L2HGDH: variants seen among roughly 807,000 people sequenced by gnomAD.
L2HGDH encodes L-2-hydroxyglutarate dehydrogenase.
In L2HGDH, 34 loss-of-function variants were observed where a neutral mutation model predicts 51.5. That is an observed-to-expected ratio of 0.66 (90% CI 0.50 to 0.88). L2HGDH has a LOEUF of 0.88. L2HGDH is among the 40% of genes least tolerant of loss of function. L2HGDH has a pLI of 0.00. For missense variants in L2HGDH, 558 were observed against 571.9 expected, an observed-to-expected ratio of 0.98 and a Z score of 0.25; for synonymous variants, 198 against 197.9, an observed-to-expected ratio of 1.00 and a Z score of -0.01.
intron 9 of L2HGDH, among the ~76,000 whole-genome samples, chr14:50,248,660 G>A (rs1437591185): frequency 6.6e-6 from 1 of 152,184 alleles, no homozygotes; most frequent in African/African-American, 2.4e-5. Flanking sequence ...CTTCCCTATA[G>A]AATCCTGCAG....
intron 2 of L2HGDH, 98 bp from the exon 3 acceptor site, chr14:50,302,266 C>T (rs1234475243): frequency 5.4e-6 from 7 of 1,289,616 alleles, no homozygotes; most frequent in South Asian, 2.4e-5. Context: ...TTAGAGACCA[C>T]ATCATGTAAA....
At chr14:50,261,608 T>C (rs1275854754) in intron 9 of L2HGDH, among the ~76,000 whole-genome samples, 1 of 151,814 alleles carries the variant, frequency 6.6e-6, no homozygotes, top group Non-Finnish European at 1.5e-5. Context: ...TAAGCCTCTC[T>C]AGTAGCTACA....
At chr14:50,301,717 G>C (rs971579571) in intron 3 of L2HGDH, among the ~76,000 whole-genome samples, 1 of 152,142 alleles carries the variant, frequency 6.6e-6, no homozygotes, top group African/African-American at 2.4e-5. Context: ...TCTTTTTGGG[G>C]TGATGAAAAA....
At chr14:50,249,137 G>A (rs1466752754) in intron 9 of L2HGDH, among the ~76,000 whole-genome samples, 2 of 152,216 alleles carry the variant, frequency 1.3e-5, no homozygotes, top group East Asian at 3.8e-4. Context: ...TAGACAGGAA[G>A]CATCCATCCC....
At chr14:50,253,914 G>A (rs1211790707) in intron 9 of L2HGDH, among the ~76,000 whole-genome samples, 3 of 152,092 alleles carry the variant, frequency 2.0e-5, no homozygotes, top group Non-Finnish European at 2.9e-5. Context: ...AGTAAAATAA[G>A]CCAGGCACGG....
At chr14:50,284,063 T>C in intron 4 of L2HGDH, 30 bp from the exon 5 acceptor site, 1 of 1,586,712 alleles carries the variant, frequency 6.3e-7, no homozygotes, top group Non-Finnish European at 8.6e-7. Flanking sequence ...AGATAACAGA[T>C]AAGAGAAATA....
intron 1 of L2HGDH, 61 bp downstream of exon 1, chr14:50,311,950 C>T: frequency 6.5e-7 from 1 of 1,535,200 alleles, no homozygotes; most frequent in Non-Finnish European, 8.7e-7. Flanking sequence ...ACAGGTCCAC[C>T]ACCAGGTGCC....
intron 4 of L2HGDH, among the ~76,000 whole-genome samples, chr14:50,286,257 G>C (rs1301670144): frequency 6.6e-6 from 1 of 152,190 alleles, no homozygotes; most frequent in African/African-American, 2.4e-5. Context: ...GGGCAGAGTA[G>C]CAGTGAGGAT....
At position 50,302,872 on chromosome 14, in the gene L2HGDH, C is replaced by G. The variant is rs151006946; in HGVS notation, c.256+30G>C. The G allele has an allele frequency of 4.7e-4, 672 of 1,435,584 alleles. 3 individuals carry two copies. The African/African-American group carries it at 7.1e-3, about 15-fold the overall frequency. 88.9% of individuals were successfully genotyped at this position (1,435,584 alleles called of 1,614,324 possible). On this transcript the variant is annotated intron_variant, in intron 2 of 9. Coordinates refer to ENST00000267436, the MANE Select transcript of L2HGDH (RefSeq NM_024884.3). ...CAAAATGAGCAGATGCCCAAGTAAGCCCAAAGAACAACATTGATTATATAC... is the reference window on the plus strand; with the variant it reads ...CAAAATGAGCAGATGCCCAAGTAAGGCCAAAGAACAACATTGATTATATAC...
At chr14:50,294,521 T>C (rs1454376039) in intron 3 of L2HGDH, among the ~76,000 whole-genome samples, 3 of 152,182 alleles carry the variant, frequency 2.0e-5, no homozygotes, top group Non-Finnish European at 4.4e-5. Flanking sequence ...AGTCTCTATG[T>C]GCATCTTGGC....
intron 8 of L2HGDH, among the ~76,000 whole-genome samples, chr14:50,266,367 G>A (rs376134921): frequency 9.8e-5 from 15 of 152,318 alleles, no homozygotes; most frequent in African/African-American, 3.6e-4. Flanking sequence ...TTTAGGCAGG[G>A]TGTAGTGGCT....
intron 5 of L2HGDH, among the ~76,000 whole-genome samples, chr14:50,282,969 G>A (rs1355581729): frequency 6.6e-6 from 1 of 151,924 alleles, no homozygotes; most frequent in African/African-American, 2.4e-5. Context: ...TTGAGCTCGG[G>A]AGTTCGATAC....
At chr14:50,266,266 G>T (rs1295778797) in intron 8 of L2HGDH, among the ~76,000 whole-genome samples, 4 of 152,146 alleles carry the variant, frequency 2.6e-5, no homozygotes, top group Non-Finnish European at 5.9e-5. Flanking sequence ...AATATTAGAT[G>T]CCTTCAACAC....
rs1364230416 is a variant in L2HGDH at position 50,243,357 on chromosome 14, T to C, written c.*3701A>G. ...TTTGTATTATATACTAACACAGAAA[T>C]GAGTTTTTTAAAAAGGTTGGCTGCT... is the stretch of plus-strand genomic sequence containing the variant. On this transcript the variant is annotated 3_prime_UTR_variant, in exon 10 of 10. Transcript: ENST00000267436. The C allele has an allele frequency of 4.1e-6, 4 of 984,634 alleles. No homozygotes were observed. Among genetic ancestry groups the C allele is most frequent in the African/African-American group, 3.5e-5 (2 of 57,226 alleles). The allele number at this position is 984,634 out of a possible 1,614,324, so 61.0% of individuals were successfully genotyped here.
chr14:50,278,022 T>C (rs1242101559), intron 6 of L2HGDH, among the ~76,000 whole-genome samples: 1 of 152,108 alleles, frequency 6.6e-6, no homozygotes, highest in Non-Finnish European at 1.5e-5. Flanking sequence ...GTCTTATTCC[T>C]ATAATAAATC....
intron 9 of L2HGDH, among the ~76,000 whole-genome samples, chr14:50,263,644 C>T (rs902437760): frequency 6.6e-6 from 1 of 152,064 alleles, no homozygotes; most frequent in East Asian, 1.9e-4. Context: ...AAGTACACTG[C>T]TGATTAGGCC....
intron 9 of L2HGDH, among the ~76,000 whole-genome samples, chr14:50,259,044 G>A (rs1186024100): frequency 7.1e-6 from 1 of 141,694 alleles, no homozygotes; most frequent in South Asian, 2.2e-4. Context: ...TTTTACTAGA[G>A]ACAAGGTCTC....
intron 2 of L2HGDH, among the ~76,000 whole-genome samples, chr14:50,302,587 C>T (rs975160458): frequency 6.6e-5 from 10 of 152,210 alleles, no homozygotes; most frequent in African/African-American, 1.9e-4. Flanking sequence ...TCAGAGGCTC[C>T]GGTGGAATCA....
rs758379035 is a variant in L2HGDH, at chr14:50,307,934, G to GA, written c.140+4076dup. On this transcript the variant is annotated intron_variant, in intron 1 of 9. Transcript: ENST00000267436. ...GACATCAAAAACATGATCCATAAAA[G>GA]AAAAAAAACTGATAAAATGGACTTC... 3.3e-4 allele frequency among the ~76,000 whole-genome samples: 50 copies of GA among 151,456 alleles called. No individual in the cohort carries two copies. The Middle Eastern group carries it at 0.014, about 41-fold the overall frequency.
Sources: allele counts gnomAD v4.1 joint callset (sites outside exome capture counted in the v4.1 genomes callset), GRCh38; gene constraint gnomAD v4.1.1; transcripts MANE v1.5; gene names NCBI Gene and HGNC (gene_info 2026-07-23, HGNC 2026-07-21).